Variants in ATL1 observed in about 807,000 individuals in gnomAD.
ATL1 encodes atlastin GTPase 1, also known as atlastin-1.
In ATL1, 31 loss-of-function variants were observed where a neutral mutation model predicts 75.5. The ratio of observed to expected loss-of-function variants is 0.41; its 90% CI spans 0.31 to 0.55. The LOEUF is 0.55. ATL1 is among the 20% of genes least tolerant of loss of function. The pLI is 0.27. For synonymous variants in ATL1, 226 were observed against 233.3 expected, an observed-to-expected ratio of 0.97 and a Z score of 0.28; for missense variants, 405 against 662.6, an observed-to-expected ratio of 0.61 and a Z score of 4.27.
At chr14:50,595,838 G>A (rs747714581) in intron 6 of ATL1, among the ~76,000 whole-genome samples, 1 of 151,816 alleles carries the variant, frequency 6.6e-6, no homozygotes, top group Non-Finnish European at 1.5e-5. Flanking sequence ...AAAGAGATGT[G>A]GAAATGAAAG....
chr14:50,630,245 A>G (rs1222162754), intron 13 of ATL1, among the ~76,000 whole-genome samples: 1 of 152,214 alleles, frequency 6.6e-6, no homozygotes, highest in Non-Finnish European at 1.5e-5. Context: ...ATTGAATATC[A>G]TCAGTATTTG....
chr14:50,626,521 C>T (rs774339847), intron 11 of ATL1, among the ~76,000 whole-genome samples: 5 of 152,202 alleles, frequency 3.3e-5, no homozygotes, highest in Non-Finnish European at 7.3e-5. Flanking sequence ...TAAGGAGTTG[C>T]TTCCTATGGA....
intron 6 of ATL1, among the ~76,000 whole-genome samples, chr14:50,600,980 C>T (rs1414196589): frequency 6.6e-6 from 1 of 152,024 alleles, no homozygotes; most frequent in African/African-American, 2.4e-5. Context: ...ACTACAGCGC[C>T]TGTAGTCCCA....
intron 6 of ATL1, among the ~76,000 whole-genome samples, chr14:50,612,542 T>C (rs1230066519): frequency 6.6e-6 from 1 of 152,222 alleles, no homozygotes; most frequent in Non-Finnish European, 1.5e-5. Flanking sequence ...AGCAGTATTT[T>C]AAATGTCATC....
intron 1 of ATL1, among the ~76,000 whole-genome samples, chr14:50,579,795 T>G (rs557905723): frequency 6.6e-6 from 1 of 152,264 alleles, no homozygotes; most frequent in South Asian, 2.1e-4. Flanking sequence ...GTAAATCACA[T>G]TGTGAGACTA....
chr14:50,567,366 T>C (rs2038914330), intron 1 of ATL1, among the ~76,000 whole-genome samples: 1 of 152,242 alleles, frequency 6.6e-6, no homozygotes, highest in Non-Finnish European at 1.5e-5. Context: ...CATTCATCTG[T>C]TGACAGACAC....
intron 1 of ATL1, among the ~76,000 whole-genome samples, chr14:50,545,640 A>C (rs1324615382): frequency 6.6e-6 from 1 of 152,248 alleles, no homozygotes; most frequent in African/African-American, 2.4e-5. Context: ...TTGTTAAAGC[A>C]GGAAAAATAG....
chr14:50,602,030 A>G (rs556072605), intron 6 of ATL1, among the ~76,000 whole-genome samples: 36 of 152,172 alleles, frequency 2.4e-4, no homozygotes, highest in African/African-American at 8.7e-4. Context: ...CTGGCCCCAC[A>G]TTGTTCTGTA....
chr14:50,592,708 G>A (rs923279836), intron 4 of ATL1, among the ~76,000 whole-genome samples: 3 of 151,414 alleles, frequency 2.0e-5, no homozygotes, highest in Non-Finnish European at 4.4e-5. Context: ...TCAGGAGATC[G>A]AGACCATCCT....
intron 1 of ATL1, among the ~76,000 whole-genome samples, chr14:50,574,947 A>G (rs993577143): frequency 1.4e-4 from 18 of 124,892 alleles, no homozygotes; most frequent in African/African-American, 4.9e-4. Flanking sequence ...GTATATATAT[A>G]TATATATATA....
At chr14:50,613,205 G>GC (rs529352095) in intron 6 of ATL1, 54 bp from the exon 7 acceptor site, 153 of 1,304,848 alleles carry the variant, frequency 1.2e-4, no homozygotes, top group Admixed American at 1.4e-4. Flanking sequence ...TCCATATAAA[G>GC]CAAAGGGAGG....
chr14:50,592,912 T>TC (rs2039174180), intron 4 of ATL1, among the ~76,000 whole-genome samples: 2 of 49,326 alleles, frequency 4.1e-5, no homozygotes, highest in Admixed American at 1.9e-4. Context: ...GACTCCCGTC[T>TC]CAAAAAAAAA....
At chr14:50,588,243 G>T (rs1431244455) in intron 2 of ATL1, among the ~76,000 whole-genome samples, 165 bp downstream of exon 2, 2 of 152,072 alleles carry the variant, frequency 1.3e-5, no homozygotes, top group Non-Finnish European at 2.9e-5. Flanking sequence ...GTGCTTTGGG[G>T]ACCAAACTAC....
At position 50,628,671 on chromosome 14, in the gene ATL1, T is replaced by A. The variant is rs574175148; in HGVS notation, c.1551+209T>A. 5.5e-5 allele frequency: 39 copies of A among 709,186 alleles called. No homozygotes were observed. The South Asian group carries it at 5.8e-4, about 11-fold the overall frequency. The allele number at this position is 709,186 out of a possible 1,614,324, so 43.9% of individuals were successfully genotyped here. ...ACACAACTATTTTCCAGTTAACATT[T>A]CAGCATTTAAAAAAATATACATCAG... On this transcript the variant is annotated intron_variant, in intron 12 of 13. Transcript: ENST00000358385.
At chr14:50,565,075 T>G (rs999229835) in intron 1 of ATL1, among the ~76,000 whole-genome samples, 3 of 152,008 alleles carry the variant, frequency 2.0e-5, no homozygotes, top group African/African-American at 7.3e-5. Context: ...TCACCTGAGG[T>G]CAGGAGTTCG....
At chr14:50,573,350 G>C (rs1193871822) in intron 1 of ATL1, among the ~76,000 whole-genome samples, 1 of 152,132 alleles carries the variant, frequency 6.6e-6, no homozygotes, top group Non-Finnish European at 1.5e-5. Context: ...TTTTGTGTCT[G>C]CACTGTCCAA....
chr14:50,575,882 G>A lies in ATL1; in HGVS notation c.35-11949G>A, dbSNP rs1171169281. Among the ~76,000 whole-genome samples the A allele has an allele frequency of 2.6e-5, 4 of 152,040 alleles. No homozygotes were observed. In the South Asian group the frequency reaches 6.2e-4, roughly 24 times the overall value. On this transcript the variant is annotated intron_variant, in intron 1 of 13. Coordinates refer to ENST00000358385, the MANE Select transcript of ATL1 (RefSeq NM_015915.5). ...TTCCCCTTCTACATGGCTAAATTCA[G>A]TAGCTGAGTGCCAGCTTCCAGTAAC...
intron 1 of ATL1, among the ~76,000 whole-genome samples, chr14:50,566,490 T>C (rs1231318335): frequency 2.6e-5 from 4 of 152,168 alleles, no homozygotes; most frequent in African/African-American, 9.7e-5. Flanking sequence ...ACAAGATATT[T>C]TGTTCACTCC....
At chr14:50,538,521 A>G (rs2038521652) in intron 1 of ATL1, among the ~76,000 whole-genome samples, 1 of 152,252 alleles carries the variant, frequency 6.6e-6, no homozygotes, top group Non-Finnish European at 1.5e-5. Flanking sequence ...AAGATAGCAG[A>G]TTACAAATAA....
Sources: allele counts gnomAD v4.1 joint callset (sites outside exome capture counted in the v4.1 genomes callset), GRCh38; gene constraint gnomAD v4.1.1; transcripts MANE v1.5; gene names NCBI Gene and HGNC (gene_info 2026-07-23, HGNC 2026-07-21).